S100Z: variants seen among roughly 807,000 people sequenced by gnomAD.
S100Z encodes the protein protein S100-Z.
In S100Z, 11 loss-of-function variants were observed where a neutral mutation model predicts 8.5. The observed-to-expected ratio is 1.30, with a 90% CI of 0.82 to 2.15. The LOEUF is 2.15. Ranked by LOEUF, S100Z falls within the 30% of genes most tolerant of loss-of-function variation. S100Z has a pLI of 0.00. For missense variants in S100Z, 126 were observed against 117.9 expected, an observed-to-expected ratio of 1.07 and a Z score of -0.32; for synonymous variants, 34 against 43.8, an observed-to-expected ratio of 0.78 and a Z score of 0.89.
the S100Z span, among the ~76,000 whole-genome samples, chr5:76,941,351 G>A: frequency 0.74 from 112,613 of 151,900 alleles, 42,387 homozygotes; most frequent in East Asian, 0.93. Context: ...ATCATGGGGT[G>A]AGTTTTTCCC....
At chr5:76,872,330 C>T (rs891556011) in intron 2 of S100Z, among the ~76,000 whole-genome samples, 10 of 152,054 alleles carry the variant, frequency 6.6e-5, no homozygotes, top group Non-Finnish European at 1.3e-4. Flanking sequence ...TTCCCTGGGC[C>T]GTGGTCACTC....
intron 1 of S100Z, among the ~76,000 whole-genome samples, chr5:76,859,758 G>T (rs1220515452): frequency 3.3e-5 from 2 of 61,374 alleles, no homozygotes; most frequent in Admixed American, 1.8e-4. Flanking sequence ...TACAGCCAGG[G>T]CAACAGAGCC....
chr5:76,914,204 C>T (rs1051218827), intron 4 of S100Z, among the ~76,000 whole-genome samples: 5 of 152,044 alleles, frequency 3.3e-5, no homozygotes, highest in Admixed American at 1.3e-4. Flanking sequence ...GTAGCTAAAG[C>T]GGTCATCGGC....
intron 1 of S100Z, among the ~76,000 whole-genome samples, chr5:76,858,035 C>T (rs1426730103): frequency 6.6e-6 from 1 of 152,136 alleles, no homozygotes; most frequent in Admixed American, 6.5e-5. Context: ...ATGGGACTGC[C>T]AGAACCAGTT....
chr5:76,867,431 G>A (rs973425791), intron 1 of S100Z, among the ~76,000 whole-genome samples: 1 of 152,132 alleles, frequency 6.6e-6, no homozygotes, highest in Admixed American at 6.6e-5. Flanking sequence ...TCTAAGGAGG[G>A]TGTCTGCCTG....
chr5:76,876,977 G>A (rs912264017), intron 3 of S100Z, among the ~76,000 whole-genome samples: 1 of 152,120 alleles, frequency 6.6e-6, no homozygotes, highest in Non-Finnish European at 1.5e-5. Flanking sequence ...ATAAAATGCA[G>A]GCATCTTTAT....
At chr5:76,933,656 A>T in the S100Z span, among the ~76,000 whole-genome samples, 4 of 152,174 alleles carry the variant, frequency 2.6e-5, 1 homozygote, top group Admixed American at 2.6e-4. Flanking sequence ...TACAGGAATT[A>T]TTGTTCCTAT....
At chr5:76,919,804 A>T (rs571289094) in intron 4 of S100Z, among the ~76,000 whole-genome samples, 1 of 151,516 alleles carries the variant, frequency 6.6e-6, no homozygotes, top group East Asian at 1.9e-4. Context: ...AGATCTCATC[A>T]TCCTTCCCAG....
At chr5:76,895,844 T>A (rs1231870979) in intron 4 of S100Z, among the ~76,000 whole-genome samples, 5 of 137,456 alleles carry the variant, frequency 3.6e-5, no homozygotes, top group Non-Finnish European at 7.8e-5. Context: ...CTCACTGCAA[T>A]CTCCGCCTCC....
rs1285531068 is a variant in S100Z, at chr5:76,907,011, TATATATATATATAC to T, written c.*3-13694_*3-13681del. Among the ~76,000 whole-genome samples the T allele has an allele frequency of 4.6e-5, 5 of 108,700 alleles. 1 individual carries two copies. The highest frequency in any genetic ancestry group is 3.0e-4 in the African/African-American group (4 of 13,452). The allele number at this position is 108,700 out of a possible 152,430, so 71.3% of individuals were successfully genotyped here. Reference sequence around the variant, plus strand: ...ATATATATATATATATATATATATATATATATATATATACATATATATATACCAAATTTTCTTTA... The same window carrying T: ...ATATATATATATATATATATATATATATATATATATACCAAATTTTCTTTA... On this transcript the variant is annotated intron_variant, in intron 4 of 4. Coordinates refer to ENST00000317593, the MANE Select transcript of S100Z (RefSeq NM_130772.4).
At chr5:76,915,095 G>C (rs1348582499) in intron 4 of S100Z, among the ~76,000 whole-genome samples, 1 of 152,092 alleles carries the variant, frequency 6.6e-6, no homozygotes, top group Non-Finnish European at 1.5e-5. Flanking sequence ...CACGAGGTTA[G>C]GAGATCAAGA....
chr5:76,923,192 A>G (rs1651361751), downstream of S100Z, among the ~76,000 whole-genome samples: 1 of 152,160 alleles, frequency 6.6e-6, no homozygotes, highest in Non-Finnish European at 1.5e-5. Context: ...CACAGATTAC[A>G]TTTGGTTCTT....
At chr5:76,890,122 C>G (rs1743806108) in intron 4 of S100Z, among the ~76,000 whole-genome samples, 1 of 152,170 alleles carries the variant, frequency 6.6e-6, no homozygotes, top group South Asian at 2.1e-4. Context: ...CTCCCAGGTT[C>G]AGGTTATTCT....
chr5:76,875,657 G>A (rs1743165006), intron 3 of S100Z, among the ~76,000 whole-genome samples, 157 bp downstream of exon 3: 1 of 152,152 alleles, frequency 6.6e-6, no homozygotes. Flanking sequence ...CACTGGAGAC[G>A]TTTGTTTTCT....
chr5:76,887,034 C>T (rs1027159359), intron 4 of S100Z, among the ~76,000 whole-genome samples: 12 of 151,910 alleles, frequency 7.9e-5, no homozygotes, highest in African/African-American at 2.9e-4. Context: ...TCATCTGCAA[C>T]ATCAGTAACA....
At position 76,875,370 on chromosome 5, in the gene S100Z, A is replaced by C; in HGVS notation, c.11A>C (p.Gln4Pro). Residue 4 changes from glutamine (Q) to proline (P), a missense_variant, in exon 3 of 5, where the codon CAG (glutamine) becomes CCG (proline). Physicochemically the swap from Gln to Pro is moderately conservative, Grantham distance 76. Transcript: ENST00000317593. MPT[Q>P]LEMAMDTMIR... ...AGTTCTGCTGCCGACATGCCCACCC[A>C]GCTCGAGATGGCCATGGACACCATG... is the stretch of plus-strand genomic sequence containing the variant. 1 of 1,611,320 alleles carries C rather than the reference A, an allele frequency of 6.2e-7. No homozygotes were observed. Among genetic ancestry groups the C allele is most frequent in the South Asian group, 1.1e-5 (1 of 90,506 alleles).
downstream of S100Z, among the ~76,000 whole-genome samples, chr5:76,925,033 C>A (rs1469334876): frequency 1.3e-5 from 2 of 152,052 alleles, no homozygotes; most frequent in Non-Finnish European, 2.9e-5. Context: ...GGTTGTCGAG[C>A]TATTGGCCAG....
chr5:76,873,696 G>A lies in S100Z; in HGVS notation c.-56-1608G>A, dbSNP rs1192134760. 2.6e-5 allele frequency among the ~76,000 whole-genome samples: 4 copies of A among 152,172 alleles called. No individual in the cohort carries two copies. The East Asian group carries it at 7.7e-4, about 29-fold the overall frequency. ...GAGTAGCCAGGCAGCAAGGCCAGGG[G>A]CAGATGGGATGGTTGAGGTTACATA... On this transcript the variant is annotated intron_variant, in intron 2 of 4. Transcript: ENST00000317593.
At chr5:76,852,088 C>T (rs1750746336) in intron 1 of S100Z, among the ~76,000 whole-genome samples, 1 of 151,802 alleles carries the variant, frequency 6.6e-6, no homozygotes, top group African/African-American at 2.4e-5. Context: ...GTTCTGGGAG[C>T]TCTGAGCCAT....
Sources: gnomAD v4.1 joint callset for allele counts (sites outside exome capture counted in the v4.1 genomes callset) on GRCh38, gnomAD v4.1.1 for gene constraint, MANE v1.5 for transcripts, NCBI Gene and HGNC (gene_info 2026-07-23, HGNC 2026-07-21) for gene names.